The following MAPK6 variants were observed in gnomAD, a reference collection of about 807,000 sequenced individuals.
MAPK6 encodes mitogen-activated protein kinase 6.
Under a neutral mutation model 59.3 loss-of-function variants are expected in MAPK6, and 19 were observed. The observed-to-expected ratio is 0.32, with a 90% confidence interval of 0.22 to 0.47. The LOEUF (loss-of-function observed/expected upper bound fraction) is 0.47, where lower values mean the gene tolerates loss of function less well. Ranked by LOEUF, MAPK6 falls within the 20% of genes least tolerant of loss-of-function variation. The pLI is 1.00. For missense variants in MAPK6, 724 were observed against 847.9 expected (o/e 0.85, Z 1.81); for synonymous variants, 316 against 290.3 (o/e 1.09, Z -0.90).
At chr15:51,992,557 G>A (rs1475623342) in intron 2 of MAPK6, among the ~76,000 whole-genome samples, 2 of 151,658 alleles carry the variant, frequency 1.3e-5, no homozygotes, top group Non-Finnish European at 2.9e-5. Context: ...ACCCACCTCG[G>A]CCTCCCAAAG....
intron 2 of MAPK6, among the ~76,000 whole-genome samples, chr15:51,983,414 G>A (rs2057180787): frequency 6.6e-6 from 1 of 152,138 alleles, no homozygotes; most frequent in South Asian, 2.1e-4. Context: ...AGGAGGCGGA[G>A]GATGCAGTGA....
intron 1 of MAPK6, among the ~76,000 whole-genome samples, chr15:51,980,081 G>A (rs543639269): frequency 2.0e-5 from 3 of 151,798 alleles, no homozygotes; most frequent in Admixed American, 2.0e-4. Flanking sequence ...GATCACCTGA[G>A]GTCAGGAATT....
intron 5 of MAPK6, among the ~76,000 whole-genome samples, chr15:52,061,917 T>C (rs1309092390): frequency 1.3e-5 from 2 of 152,206 alleles, no homozygotes; most frequent in African/African-American, 2.4e-5. Context: ...TTAAGGCATA[T>C]TTATAAAGTC....
intron 1 of MAPK6, among the ~76,000 whole-genome samples, chr15:52,026,208 T>G (rs539099686): frequency 6.6e-6 from 1 of 152,364 alleles, no homozygotes; most frequent in African/African-American, 2.4e-5. Flanking sequence ...TGGCACTTGT[T>G]GATTACTTCC....
At chr15:52,062,759 C>G (rs892611634) in intron 5 of MAPK6, among the ~76,000 whole-genome samples, 1 of 152,022 alleles carries the variant, frequency 6.6e-6, no homozygotes, top group African/African-American at 2.4e-5. Flanking sequence ...AGCAAGACTC[C>G]GTTTCAAATA....
intron 4 of MAPK6, among the ~76,000 whole-genome samples, chr15:52,060,891 C>T (rs1378795968): frequency 1.3e-5 from 2 of 152,160 alleles, no homozygotes; most frequent in African/African-American, 4.8e-5. Flanking sequence ...ATATCTATGT[C>T]TACTTTATGC....
chr15:51,992,485 T>A (rs1401615861), intron 2 of MAPK6, among the ~76,000 whole-genome samples: 2 of 151,686 alleles, frequency 1.3e-5, no homozygotes, highest in African/African-American at 4.8e-5. Context: ...GCATTTTTTT[T>A]AGTAGAGACG....
Position 52,064,211 on chromosome 15 carries a change from G to T in MAPK6, c.1377G>T (p.Trp459Cys). The change falls in exon 6 of 6, where the codon TGG (tryptophan) becomes TGT (cysteine). Residue 459 changes from tryptophan (W) to cysteine (C), a missense_variant. By Grantham distance (215) the Trp-to-Cys change is radical (BLOSUM62 -2). Coordinates refer to ENST00000261845, the MANE Select transcript of MAPK6 (RefSeq NM_002748.4). ...RSSSYLDNLV[W>C]RESEVNHYYE... ...CATCATATTTAGATAACTTAGTTTG[G>T]AGAGAGAGTGAAGTTAACCATTACT... is the stretch of plus-strand genomic sequence containing the variant. 1 of 1,611,478 alleles carries T rather than the reference G, an allele frequency of 6.2e-7. No homozygotes were observed. The highest frequency in any genetic ancestry group is 8.5e-7 in the Non-Finnish European group (1 of 1,179,396).
intron 1 of MAPK6, among the ~76,000 whole-genome samples, chr15:51,973,699 C>A (rs1005471936): frequency 6.6e-6 from 1 of 151,776 alleles, no homozygotes; most frequent in Admixed American, 6.6e-5. Flanking sequence ...GTTGCCCAGG[C>A]TGGAGTACAA....
intron 3 of MAPK6, among the ~76,000 whole-genome samples, chr15:52,053,984 T>G (rs1287513691): frequency 6.6e-6 from 1 of 152,154 alleles, no homozygotes; most frequent in South Asian, 2.1e-4. Flanking sequence ...TTCTTTTGTC[T>G]CTTTTGTTTT....
intron 1 of MAPK6, among the ~76,000 whole-genome samples, chr15:52,025,226 A>G (rs924709880): frequency 6.6e-6 from 1 of 152,132 alleles, no homozygotes; most frequent in African/African-American, 2.4e-5. Flanking sequence ...GGGCAACAGC[A>G]AGAGACCCTG....
At chr15:51,998,686 A>AGTTTTTTTTTTTTTTTT (rs2057233091) in intron 2 of MAPK6, among the ~76,000 whole-genome samples, 1 of 12,204 alleles carries the variant, frequency 8.2e-5, no homozygotes, top group Non-Finnish European at 3.0e-4. Context: ...ATGCCTGGTT[A>AGTTTTTTTTTTTTTTTT]ATTTTTTTTT....
At chr15:52,001,120 C>T (rs573408809) in intron 2 of MAPK6, among the ~76,000 whole-genome samples, 23 of 152,214 alleles carry the variant, frequency 1.5e-4, no homozygotes, top group Admixed American at 3.3e-4. Context: ...AATGGGGTTA[C>T]GGCCCTTATG....
chr15:52,004,996 A>G (rs986627385), intron 3 of MAPK6, among the ~76,000 whole-genome samples: 1 of 152,200 alleles, frequency 6.6e-6, no homozygotes, highest in African/African-American at 2.4e-5. Flanking sequence ...CTTTGCAGCA[A>G]CATGCTTGAG....
intron 4 of MAPK6, among the ~76,000 whole-genome samples, chr15:52,060,091 G>A (rs1220083032): frequency 6.6e-6 from 1 of 152,104 alleles, no homozygotes; most frequent in South Asian, 2.1e-4. Flanking sequence ...CTCTAAGCAT[G>A]GTTCAGCACC....
chr15:52,043,754 T>A (rs2031508444), intron 1 of MAPK6, among the ~76,000 whole-genome samples: 1 of 106,026 alleles, frequency 9.4e-6, no homozygotes, highest in African/African-American at 4.1e-5. Flanking sequence ...TTTTTTTTTT[T>A]TTTTTTTTTT....
Position 52,022,474 on chromosome 15 carries a change from C to T in MAPK6, c.-632+3098C>T, listed in dbSNP as rs368663860. Among the ~76,000 whole-genome samples the T allele has an allele frequency of 1.6e-4, 24 of 152,166 alleles. 1 individual carries two copies. The East Asian group carries it at 2.3e-3, about 15-fold the overall frequency. ...ATGAATGTTCACAGTGTTGCCCAGG[C>T]TGTTCTTGAACTCCTGGGCTCAAGC... On this transcript the variant is annotated intron_variant, in intron 1 of 5. Coordinates refer to ENST00000261845, the MANE Select transcript of MAPK6 (RefSeq NM_002748.4).
At chr15:51,994,513 C>T (rs772156644) in intron 2 of MAPK6, among the ~76,000 whole-genome samples, 2 of 152,110 alleles carry the variant, frequency 1.3e-5, no homozygotes, top group African/African-American at 2.4e-5. Context: ...CACTGTACTC[C>T]AGCCTGGGCA....
At chr15:52,009,368 T>C (rs558020486) in intron 3 of MAPK6, among the ~76,000 whole-genome samples, 128 of 152,330 alleles carry the variant, frequency 8.4e-4, no homozygotes, top group African/African-American at 2.8e-3. Context: ...TAGGAGTATC[T>C]GTTCTCTTCA....
Sources: gnomAD v4.1 joint callset for allele counts (sites outside exome capture counted in the v4.1 genomes callset) on GRCh38, gnomAD v4.1.1 for gene constraint, MANE v1.5 for transcripts, NCBI Gene and HGNC (gene_info 2026-07-23, HGNC 2026-07-21) for gene names.